ZNF787: variants seen among roughly 807,000 people sequenced by gnomAD.
ZNF787 encodes TTF-I-interacting peptide 20.
ZNF787 carries 7 observed loss-of-function variants against 16.9 expected under a neutral mutation model. The observed-to-expected ratio is 0.42, with a 90% CI of 0.24 to 0.78. The LOEUF is 0.78. ZNF787 is among the 30% of genes least tolerant of loss of function. The pLI is 0.30. For synonymous variants in ZNF787, 345 were observed against 270.9 expected, an observed-to-expected ratio of 1.27 and a Z score of -2.69; for missense variants, 551 against 589.3, an observed-to-expected ratio of 0.94 and a Z score of 0.67.
Position 56,103,075 on chromosome 19 carries a change from G to A in ZNF787, c.79+64C>T, listed in dbSNP as rs757244216. On this transcript the variant is annotated intron_variant, in intron 2 of 2. Coordinates refer to ENST00000610935, the MANE Select transcript of ZNF787 (RefSeq NM_001002836.4). The stretch of plus-strand genomic sequence containing the variant: ...AAGGGGGGTTTCCTCCCACCCAGAG[G>A]CAAAGGAAGCCAGGGTCAGGTGGGA... 6.4e-6 allele frequency: 10 copies of A among 1,565,914 alleles called. No homozygotes were observed. The South Asian group carries it at 7.8e-5, about 12-fold the overall frequency.
intron 2 of ZNF787, among the ~76,000 whole-genome samples, chr19:56,095,824 G>A (rs535899462): frequency 3.3e-5 from 5 of 152,230 alleles, no homozygotes; most frequent in South Asian, 2.1e-4. Flanking sequence ...AAGTGACCCC[G>A]ACTCCCCTGC....
intron 2 of ZNF787, among the ~76,000 whole-genome samples, chr19:56,094,187 C>CTT (rs572443571): frequency 0.1 from 10,515 of 104,784 alleles, 672 homozygotes; most frequent in East Asian, 0.26. Context: ...TCATGCCCGG[C>CTT]TTTTTTTTTT....
intron 1 of ZNF787, among the ~76,000 whole-genome samples, chr19:56,116,277 TA>T (rs2030135635): frequency 6.6e-6 from 1 of 151,856 alleles, no homozygotes; most frequent in African/African-American, 2.4e-5. Flanking sequence ...CCATCTCTAC[TA>T]AAAAATACAA....
chr19:56,109,997 G>A (rs902616337), intron 1 of ZNF787, among the ~76,000 whole-genome samples: 4 of 152,190 alleles, frequency 2.6e-5, no homozygotes, highest in African/African-American at 9.7e-5. Flanking sequence ...CTAATGTTCA[G>A]GAATTACATA....
chr19:56,088,097 C>G lies in ZNF787; in HGVS notation c.1075G>C (p.Gly359Arg), dbSNP rs769360338. The G allele has an allele frequency of 7.2e-6, 11 of 1,520,894 alleles. No individual in the cohort carries two copies. The highest frequency in any genetic ancestry group is 9.6e-6 in the Non-Finnish European group (11 of 1,142,066). 94.2% of individuals were successfully genotyped at this position (1,520,894 alleles called of 1,614,324 possible). A position where few individuals can be genotyped will look rare whatever the true frequency, so the allele number is the denominator to read the frequency against. ...SCGQSYYRAG[G>R]EEEDDDDEAA... is the part of the protein sequence containing the mutation. ...TCGTCGTCGTCGTCCTCCTCCTCCC[C>G]GCCCGCGCGGTAGTAGCTCTGTCCG... The change falls in exon 3 of 3, where the codon GGG (glycine) becomes CGG (arginine). Residue 359 changes from glycine (G) to arginine (R), a missense_variant. By Grantham distance (125) the Gly-to-Arg change is moderately radical. This residue lies in a region of ZNF787 where 392 missense variants were observed against 312.7 expected (regional missense o/e 1.25). Coordinates refer to ENST00000610935, the MANE Select transcript of ZNF787 (RefSeq NM_001002836.4). This position sits in a 1 kb window ranked among gnomAD's most constrained non-coding sequence, Gnocchi z 8.6.
chr19:56,100,196 G>A (rs140374223), intron 2 of ZNF787, among the ~76,000 whole-genome samples: 17 of 152,298 alleles, frequency 1.1e-4, no homozygotes, highest in African/African-American at 3.8e-4. Flanking sequence ...CCTGCAGCCT[G>A]GCTCGGGTGG....
At chr19:56,106,000 G>A (rs1318369775) in intron 1 of ZNF787, among the ~76,000 whole-genome samples, 1 of 99,666 alleles carries the variant, frequency 1.0e-5, no homozygotes, top group African/African-American at 3.8e-5. Context: ...CCGCGCCCAC[G>A]GCAGTCACCG....
At chr19:56,113,442 A>G (rs899595264) in intron 1 of ZNF787, among the ~76,000 whole-genome samples, 16 of 152,352 alleles carry the variant, frequency 1.1e-4, no homozygotes, top group South Asian at 4.1e-4. Flanking sequence ...AGCATCAGGC[A>G]TAACAGCCGA....
intron 2 of ZNF787, chr19:56,102,645 C>A: frequency 2.1e-6 from 1 of 478,554 alleles, no homozygotes. Flanking sequence ...GAAAAGTCTG[C>A]GTCAGCCTGC....
chr19:56,100,039 G>A (rs989773747), intron 2 of ZNF787, among the ~76,000 whole-genome samples: 2 of 152,230 alleles, frequency 1.3e-5, no homozygotes, highest in African/African-American at 4.8e-5. Flanking sequence ...CCACAGGGCT[G>A]GGGCCGTGGT....
chr19:56,095,352 CT>C (rs1421672993), intron 2 of ZNF787, among the ~76,000 whole-genome samples: 3 of 152,236 alleles, frequency 2.0e-5, no homozygotes, highest in African/African-American at 2.4e-5. Context: ...TTGGGATGCA[CT>C]TCCGGCCTGC....
chr19:56,098,902 A>C (rs1234944945), intron 2 of ZNF787, among the ~76,000 whole-genome samples: 1 of 150,574 alleles, frequency 6.6e-6, no homozygotes, highest in African/African-American at 2.5e-5. Context: ...CCTAGGTGAT[A>C]AGGCGGCACC....
At chr19:56,089,759 C>G (rs556908570) in intron 2 of ZNF787, among the ~76,000 whole-genome samples, 1 of 152,306 alleles carries the variant, frequency 6.6e-6, no homozygotes, top group Non-Finnish European at 1.5e-5. Flanking sequence ...CTCCTGTCTG[C>G]TCAGTGAGGA....
chr19:56,097,494 C>T (rs763673419), intron 2 of ZNF787, among the ~76,000 whole-genome samples: 3 of 152,358 alleles, frequency 2.0e-5, no homozygotes, highest in South Asian at 2.1e-4. Context: ...GTCTCCACTG[C>T]GGGCCTCAGC....
chr19:56,104,977 A>G (rs996077572), intron 1 of ZNF787, among the ~76,000 whole-genome samples: 1 of 151,996 alleles, frequency 6.6e-6, no homozygotes, highest in Admixed American at 6.5e-5. Context: ...AAAACACAAA[A>G]ATTAGCCAGG....
At chr19:56,098,116 G>A (rs1344449180) in intron 2 of ZNF787, among the ~76,000 whole-genome samples, 2 of 152,062 alleles carry the variant, frequency 1.3e-5, no homozygotes, top group Non-Finnish European at 1.5e-5. Context: ...TCCATGGAAG[G>A]AACATGTGCC....
chr19:56,091,776 G>A (rs1985585112), intron 2 of ZNF787, among the ~76,000 whole-genome samples: 1 of 152,184 alleles, frequency 6.6e-6, no homozygotes, highest in African/African-American at 2.4e-5. Context: ...TGGGCTCTGC[G>A]CAAACCTTCC....
rs961781675 is a variant in ZNF787 at position 56,087,701 on chromosome 19, G to C, written c.*322C>G. On this transcript the variant is annotated 3_prime_UTR_variant, in exon 3 of 3. Transcript: ENST00000610935. ...CGCCCCGGACAACTGAGGAAGAGCA[G>C]GGAAAATGGCCTTCCGCTTGGGGCC... The C allele has an allele frequency of 3.0e-5, 6 of 200,388 alleles. No individual in the cohort carries two copies. The highest frequency in any genetic ancestry group is 5.9e-5 in the Non-Finnish European group (6 of 102,288). 12.4% of individuals were successfully genotyped at this position (200,388 alleles called of 1,614,324 possible).
At chr19:56,091,957 A>ACCGAAACCGAAACCGAAG (rs1230715280) in intron 2 of ZNF787, among the ~76,000 whole-genome samples, 2 of 145,450 alleles carry the variant, frequency 1.4e-5, no homozygotes, top group Non-Finnish European at 3.0e-5. Context: ...CAAAGCCGAA[A>ACCGAAACCGAAACCGAAG]CCGAAACCGA....
Sources: allele counts gnomAD v4.1 joint callset (sites outside exome capture counted in the v4.1 genomes callset), GRCh38; gene constraint gnomAD v4.1.1; regional missense constraint gnomAD v4.1.1; non-coding constraint Gnocchi (gnomAD v3.1); transcripts MANE v1.5; gene names NCBI Gene and HGNC (gene_info 2026-07-23, HGNC 2026-07-21).